Variants in NFAM1 observed in about 807,000 individuals in gnomAD.
The protein encoded by NFAM1 is NFAT activation molecule 1.
Under a neutral mutation model 29.0 loss-of-function variants are expected in NFAM1, and 17 were observed. That is an observed-to-expected ratio of 0.59 (90% CI 0.40 to 0.88). The LOEUF is 0.88. NFAM1 is among the 40% of genes least tolerant of loss of function. The pLI, the probability that NFAM1 is intolerant of heterozygous loss-of-function variation, is 0.00. For missense variants in NFAM1, 324 were observed against 344.6 expected, an observed-to-expected ratio of 0.94 and a Z score of 0.47; for synonymous variants, 175 against 147.2, an observed-to-expected ratio of 1.19 and a Z score of -1.36.
chr22:42,404,118 C>T (rs1929814632), intron 3 of NFAM1, among the ~76,000 whole-genome samples: 2 of 152,150 alleles, frequency 1.3e-5, no homozygotes, highest in South Asian at 4.1e-4. Context: ...CCCTCCAGCT[C>T]CCATCTTCCC....
At position 42,409,383 on chromosome 22, in the gene NFAM1, C is replaced by T. The variant is rs148996697; in HGVS notation, c.564+52G>A. The T allele has an allele frequency of 9.8e-6, 10 of 1,020,584 alleles. No individual in the cohort carries two copies. Among genetic ancestry groups the T allele is most frequent in the Admixed American group, 8.1e-5 (3 of 36,826 alleles). The allele number at this position is 1,020,584 out of a possible 1,614,324, so 63.2% of individuals were successfully genotyped here. A position where few individuals can be genotyped will look rare whatever the true frequency, so the allele number is the denominator to read the frequency against. On this transcript the variant is annotated intron_variant, in intron 3 of 5. Transcript: ENST00000329021. This position sits in a 1 kb window ranked among gnomAD's most constrained non-coding sequence, Gnocchi z 4.9. ...GCCCTGCAGAGGGCAGGCGGGCAGC[C>T]GGTGGCGTGTCGGGTGGAGGGGCTG...
In NFAM1 at chr22:42,409,560, G is replaced by T. The variant is rs780720112; in HGVS notation, c.452-13C>A. 5 of 1,381,118 alleles carry T rather than the reference G, an allele frequency of 3.6e-6. No individual in the cohort carries two copies. The African/African-American group carries it at 4.5e-5, about 12-fold the overall frequency. The allele number at this position is 1,381,118 out of a possible 1,614,324, so 85.6% of individuals were successfully genotyped here. On this transcript the variant is annotated splice_polypyrimidine_tract_variant and intron_variant, in intron 2 of 5. Coordinates refer to ENST00000329021, the MANE Select transcript of NFAM1 (RefSeq NM_145912.8). This position sits in a 1 kb window ranked among gnomAD's most constrained non-coding sequence, Gnocchi z 4.9. Reference sequence around the variant, plus strand: ...CGGTACCCTGCGTCTAGGAGGAAGCGCAGGGGAGCAGAGGGGTCAGTGACC... The same window carrying T: ...CGGTACCCTGCGTCTAGGAGGAAGCTCAGGGGAGCAGAGGGGTCAGTGACC...
chr22:42,392,624 A>G (rs1465139973), intron 4 of NFAM1, among the ~76,000 whole-genome samples: 2 of 152,190 alleles, frequency 1.3e-5, no homozygotes, highest in East Asian at 3.9e-4. Context: ...GCTGTAAACC[A>G]ATATTGTACT....
chr22:42,395,476 C>CA (rs553752910), intron 4 of NFAM1, among the ~76,000 whole-genome samples: 16 of 137,424 alleles, frequency 1.2e-4, no homozygotes, highest in South Asian at 6.8e-4. Context: ...GACTCTGTCT[C>CA]AAAAAAAAAT....
intron 4 of NFAM1, among the ~76,000 whole-genome samples, chr22:42,396,845 C>T (rs532307803): frequency 2.0e-5 from 3 of 152,154 alleles, no homozygotes; most frequent in African/African-American, 7.2e-5. Context: ...TGTTCTGTGG[C>T]GTTATTAGGG....
rs1569238638 is a variant in NFAM1 at position 42,432,331 on chromosome 22, CCGCCACCTCACAGGCTG to C, written c.10_26del (p.Gln4GlyfsTer76). 6.3e-7 allele frequency: 1 copy of C among 1,578,624 alleles called. No individual in the cohort carries two copies. The highest frequency in any genetic ancestry group is 1.2e-5 in the South Asian group (1 of 86,454). On this transcript the variant is annotated frameshift_variant, in exon 1 of 6. Coordinates refer to ENST00000329021, the MANE Select transcript of NFAM1 (RefSeq NM_145912.8). LOFTEE classifies it high-confidence loss of function. Reference sequence around the variant, plus strand: ...GAGGGCGTGGGAGGCCTGGCAGGGCCCGCCACCTCACAGGCTGGTTCTCCATCTGGGGGCCTGCTTGT... The same window carrying C: ...GAGGGCGTGGGAGGCCTGGCAGGGCCGTTCTCCATCTGGGGGCCTGCTTGT...
chr22:42,435,207 C>T (rs1044441240), upstream of NFAM1, among the ~76,000 whole-genome samples: 24 of 152,282 alleles, frequency 1.6e-4, no homozygotes, highest in African/African-American at 5.8e-4. Flanking sequence ...GAGTGGCAGC[C>T]CTGAAGGAGG....
chr22:42,409,646 G>T lies in NFAM1; in HGVS notation c.452-99C>A. 1 of 530,820 alleles carries T rather than the reference G, an allele frequency of 1.9e-6. No individual in the cohort carries two copies. Among genetic ancestry groups the T allele is most frequent in the Non-Finnish European group, 3.2e-6 (1 of 316,368 alleles). 32.9% of individuals were successfully genotyped at this position (530,820 alleles called of 1,614,324 possible). On this transcript the variant is annotated intron_variant, in intron 2 of 5. Coordinates refer to ENST00000329021, the MANE Select transcript of NFAM1 (RefSeq NM_145912.8). This position sits in a 1 kb window ranked among gnomAD's most constrained non-coding sequence, Gnocchi z 4.9. ...CCTCACTCAGGACCCTGTTTTCAAT[G>T]CTACCCCGCCAACACGCTCCACACC...
At chr22:42,412,857 T>C (rs1193815024) in intron 1 of NFAM1, among the ~76,000 whole-genome samples, 2 of 152,194 alleles carry the variant, frequency 1.3e-5, no homozygotes, top group Non-Finnish European at 2.9e-5. Flanking sequence ...CCATTTCGGC[T>C]GTGATCATGA....
chr22:42,399,339 C>T (rs1358065239), intron 3 of NFAM1, among the ~76,000 whole-genome samples: 8 of 150,610 alleles, frequency 5.3e-5, no homozygotes, highest in African/African-American at 2.0e-4. Flanking sequence ...CCCAGCTACT[C>T]GGGAGGGTGA....
chr22:42,390,286 C>T (rs1394784840), intron 4 of NFAM1, among the ~76,000 whole-genome samples: 1 of 152,074 alleles, frequency 6.6e-6, no homozygotes, highest in African/African-American at 2.4e-5. Flanking sequence ...GAGGTAAGAA[C>T]AGGCTTCTGC....
Position 42,419,179 on chromosome 22 carries a change from G to C in NFAM1, c.122-7443C>G, listed in dbSNP as rs531274681. ...CTTTCCTGTGGATCACTGATGTTCA[G>C]GATCAGACCTGCCCACCACCTGCAC... On this transcript the variant is annotated intron_variant, in intron 1 of 5. Coordinates refer to ENST00000329021, the MANE Select transcript of NFAM1 (RefSeq NM_145912.8). This position sits in a 1 kb window ranked among gnomAD's most constrained non-coding sequence, Gnocchi z 4.5. Among the ~76,000 whole-genome samples the C allele has an allele frequency of 1.3e-5, 2 of 152,178 alleles. No individual in the cohort carries two copies. The highest frequency in any genetic ancestry group is 1.3e-4 in the Admixed American group (2 of 15,288).
chr22:42,420,914 G>T (rs1035606064), intron 1 of NFAM1, among the ~76,000 whole-genome samples: 1 of 152,210 alleles, frequency 6.6e-6, no homozygotes, highest in Non-Finnish European at 1.5e-5. Flanking sequence ...GCCAGCAATA[G>T]GTAGGGGCCT....
chr22:42,400,618 A>AAAAAC (rs1411931376), intron 3 of NFAM1, among the ~76,000 whole-genome samples: 2 of 152,208 alleles, frequency 1.3e-5, no homozygotes, highest in African/African-American at 4.8e-5. Context: ...ACTCTATCTC[A>AAAAAC]AAAACAAAAC....
At position 42,411,701 on chromosome 22, in the gene NFAM1, T is replaced by C. The variant is rs1196686660; in HGVS notation, c.157A>G (p.Met53Val). ...ATAGCTGTGTTGGCCAGGGAGGCCA[T>C]GATGGGCAGGCCGGTGTGGGTCACT... ...QSVTHTGLPI[M>V]ASLANTAISF... is the part of the protein sequence containing the mutation. The change falls in exon 2 of 6, where the codon ATG becomes GTG. Residue 53 changes from methionine to valine, a missense_variant. Met to Val is a conservative substitution (Grantham distance 21, BLOSUM62 1). Transcript: ENST00000329021. 2 of 1,613,890 alleles carry C rather than the reference T, an allele frequency of 1.2e-6. No individual in the cohort carries two copies. Among genetic ancestry groups the C allele is most frequent in the Admixed American group, 3.3e-5 (2 of 60,000 alleles).
At position 42,391,546 on chromosome 22, in the gene NFAM1, G is replaced by A. The variant is rs534194625; in HGVS notation, c.664-4468C>T. ...GATAGATCAGATATGGGCAGTGATT[G>A]AAACACAGATGGAGAGAACAACTTC... On this transcript the variant is annotated intron_variant, in intron 4 of 5. Transcript: ENST00000329021. Among the ~76,000 whole-genome samples the A allele has an allele frequency of 5.3e-5, 8 of 152,264 alleles. No individual in the cohort carries two copies. In the East Asian group the frequency reaches 1.2e-3, roughly 22 times the overall value.
At chr22:42,385,962 C>T (rs893227842) in intron 5 of NFAM1, among the ~76,000 whole-genome samples, 7 of 152,312 alleles carry the variant, frequency 4.6e-5, no homozygotes, top group South Asian at 2.1e-4. Flanking sequence ...TCACGCTTGA[C>T]GGTGCTGGAA....
At chr22:42,415,028 T>C (rs1469200170) in intron 1 of NFAM1, among the ~76,000 whole-genome samples, 1 of 152,234 alleles carries the variant, frequency 6.6e-6, no homozygotes, top group Non-Finnish European at 1.5e-5. Context: ...GACAATGCAC[T>C]GCTCTGGCTT....
chr22:42,436,524 G>A (rs534875030), upstream of NFAM1, among the ~76,000 whole-genome samples: 1 of 152,312 alleles, frequency 6.6e-6, no homozygotes, highest in South Asian at 2.1e-4. Flanking sequence ...CAGCTGGGTG[G>A]TGCTGACCCC....
Sources: gnomAD v4.1 joint callset for allele counts (sites outside exome capture counted in the v4.1 genomes callset) on GRCh38, gnomAD v4.1.1 for gene constraint, Gnocchi (gnomAD v3.1) non-coding constraint, MANE v1.5 for transcripts, NCBI Gene and HGNC (gene_info 2026-07-23, HGNC 2026-07-21) for gene names.